Variants in PDGFRA observed in about 807,000 individuals in gnomAD.
PDGFRA encodes the protein platelet derived growth factor receptor alpha.
PDGFRA carries 25 observed loss-of-function variants against 121.5 expected under a neutral mutation model. The observed-to-expected ratio is 0.21, with a 90% CI of 0.15 to 0.29. The LOEUF (loss-of-function observed/expected upper bound fraction) is 0.29. PDGFRA is among the 10% of genes least tolerant of loss of function. The pLI, the probability that PDGFRA is intolerant of heterozygous loss-of-function variation, is 1.00. For synonymous variants in PDGFRA, 463 were observed against 494.8 expected, an observed-to-expected ratio of 0.94 and a Z score of 0.85; for missense variants, 1,008 against 1,345.1, an observed-to-expected ratio of 0.75 and a Z score of 3.92.
intron 1 of PDGFRA, among the ~76,000 whole-genome samples, chr4:54,241,546 T>TATTTATG (rs1421113560): frequency 1.3e-5 from 2 of 151,528 alleles, no homozygotes; most frequent in African/African-American, 4.8e-5. Flanking sequence ...TTTATTTATT[T>TATTTATG]ATTTATTTAT....
chr4:54,278,294 C>T (rs2110314017), intron 14 of PDGFRA, 68 bp from the exon 15 acceptor site: 2 of 1,301,212 alleles, frequency 1.5e-6, no homozygotes, highest in South Asian at 2.4e-5. Context: ...ATATGGTCTG[C>T]AGGACAATTC....
At chr4:54,231,502 C>A (rs551675500) in intron 1 of PDGFRA, among the ~76,000 whole-genome samples, 1 of 152,370 alleles carries the variant, frequency 6.6e-6, no homozygotes, top group African/African-American at 2.4e-5. Context: ...CGCACCTCCC[C>A]AGCCGCCGCG....
At chr4:54,290,823 G>T (rs948629432) in intron 22 of PDGFRA, among the ~76,000 whole-genome samples, 4 of 152,166 alleles carry the variant, frequency 2.6e-5, no homozygotes, top group African/African-American at 9.7e-5. Flanking sequence ...AAATTCTCAG[G>T]TAATTTGATC....
At chr4:54,255,454 C>T (rs1722307531) in intron 1 of PDGFRA, among the ~76,000 whole-genome samples, 1 of 152,046 alleles carries the variant, frequency 6.6e-6, no homozygotes. Flanking sequence ...CAACCCAAAC[C>T]CAACTCAGGC....
rs1052813411 is a variant in PDGFRA, at chr4:54,295,327, A to G, written c.*55A>G. ...CTGGGGCCACCTCTGGATCCCGTTCAGAAAACCACTTTATTGCAATGCAGA... is the reference window on the plus strand; with the variant it reads ...CTGGGGCCACCTCTGGATCCCGTTCGGAAAACCACTTTATTGCAATGCAGA... On this transcript the variant is annotated 3_prime_UTR_variant, in exon 23 of 23. Coordinates refer to ENST00000257290, the MANE Select transcript of PDGFRA (RefSeq NM_006206.6). The G allele has an allele frequency of 1.9e-6, 3 of 1,574,918 alleles. No individual in the cohort carries two copies. In the African/African-American group the frequency reaches 4.0e-5, roughly 21 times the overall value.
chr4:54,246,227 T>G (rs1294718297), intron 1 of PDGFRA, among the ~76,000 whole-genome samples: 1 of 152,096 alleles, frequency 6.6e-6, no homozygotes, highest in Non-Finnish European at 1.5e-5. Context: ...CTAATAGACA[T>G]CTACAGAACT....
At chr4:54,264,017 C>G (rs1722904535) in intron 4 of PDGFRA, 90 bp downstream of exon 4, 8 of 1,106,612 alleles carry the variant, frequency 7.2e-6, no homozygotes, top group Non-Finnish European at 7.9e-6. Context: ...TTTAAATCAT[C>G]ATCACTGGTG....
intron 22 of PDGFRA, among the ~76,000 whole-genome samples, chr4:54,293,538 C>G (rs1401793372): frequency 6.8e-6 from 1 of 147,016 alleles, no homozygotes; most frequent in Non-Finnish European, 1.5e-5. Context: ...TCAAGCCATT[C>G]TCATACCTCC....
At chr4:54,273,488 C>A in intron 9 of PDGFRA, 49 bp from the exon 10 acceptor site, 1 of 1,488,614 alleles carries the variant, frequency 6.7e-7, no homozygotes, top group Non-Finnish European at 9.4e-7. Context: ...CCACTCATTG[C>A]CATGACTCTC....
Position 54,296,451 on chromosome 4 carries a change from G to A in PDGFRA, c.*1179G>A, listed in dbSNP as rs1724888933. 1 of 226,004 alleles carries A rather than the reference G, an allele frequency of 4.4e-6. No homozygotes were observed. The highest frequency in any genetic ancestry group is 8.8e-6 in the Non-Finnish European group (1 of 114,182). 14.0% of individuals were successfully genotyped at this position (226,004 alleles called of 1,614,324 possible). On this transcript the variant is annotated 3_prime_UTR_variant, in exon 23 of 23. Transcript: ENST00000257290. ...TTTTTGAATCTATGAACCTGAAAAG[G>A]GTCAGAAGGATGCCCAGACATCAGC...
intron 1 of PDGFRA, among the ~76,000 whole-genome samples, chr4:54,230,935 A>T (rs1720626448): frequency 6.6e-6 from 1 of 152,286 alleles, no homozygotes; most frequent in South Asian, 2.1e-4. Context: ...CTATTCCGGG[A>T]GGGTGTCGGC....
chr4:54,290,468 G>A lies in PDGFRA; in HGVS notation c.3036G>A (p.Leu1012=). ...DWEGGLDEQR[L]SADSGYIIPL... is the part of the protein sequence containing the mutation. Reference sequence around the variant, plus strand: ...AGGGTGGTCTGGATGAGCAGAGACTGAGCGCTGACAGTGGCTACATCATTC... The same window carrying A: ...AGGGTGGTCTGGATGAGCAGAGACTAAGCGCTGACAGTGGCTACATCATTC... Residue 1012 remains leucine (L), a synonymous_variant, in exon 22 of 23, where the codon CTG becomes CTA. Transcript: ENST00000257290. The A allele has an allele frequency of 6.2e-7, 1 of 1,613,832 alleles. No individual in the cohort carries two copies.
At chr4:54,278,051 G>A (rs2110312732) in intron 14 of PDGFRA, 45 bp downstream of exon 14, 1 of 1,160,634 alleles carries the variant, frequency 8.6e-7, no homozygotes, top group Non-Finnish European at 1.3e-6. Context: ...GGACACATGT[G>A]GTTGTGAAAA....
At chr4:54,245,469 C>T (rs1204220038) in intron 1 of PDGFRA, among the ~76,000 whole-genome samples, 4 of 151,914 alleles carry the variant, frequency 2.6e-5, no homozygotes, top group Non-Finnish European at 5.9e-5. Context: ...AACTAAGCTT[C>T]ATAAGTGAAG....
intron 1 of PDGFRA, among the ~76,000 whole-genome samples, chr4:54,229,624 T>C (rs903215688): frequency 1.1e-4 from 17 of 151,700 alleles, no homozygotes; most frequent in African/African-American, 3.9e-4. Context: ...AGTTAGAAAG[T>C]CTAGGTATTT....
rs781404006 is a variant in PDGFRA, at chr4:54,258,797, T to A, written c.29T>A (p.Val10Asp). ...GGGACTTCCCATCCGGCGTTCCTGGTCTTAGGCTGTCTTCTCACAGGTACG... is the reference window on the plus strand; with the variant it reads ...GGGACTTCCCATCCGGCGTTCCTGGACTTAGGCTGTCTTCTCACAGGTACG... Reference protein sequence around the residue: MGTSHPAFLVLGCLLTGLSL... With the variant: MGTSHPAFLDLGCLLTGLSL... The change falls in exon 2 of 23, where the codon GTC becomes GAC. Residue 10 changes from valine to aspartate, a missense_variant. Coordinates refer to ENST00000257290, the MANE Select transcript of PDGFRA (RefSeq NM_006206.6). 6.2e-7 allele frequency: 1 copy of A among 1,613,900 alleles called. No individual in the cohort carries two copies. The highest frequency in any genetic ancestry group is 1.1e-5 in the South Asian group (1 of 91,072).
At position 54,296,376 on chromosome 4, in the gene PDGFRA, T is replaced by C. The variant is rs1342299761; in HGVS notation, c.*1104T>C. On this transcript the variant is annotated 3_prime_UTR_variant, in exon 23 of 23. Coordinates refer to ENST00000257290, the MANE Select transcript of PDGFRA (RefSeq NM_006206.6). ...GACTGGATTTGCAGAAGTTTTTTTT[T>C]TTTTTTTCTTCATGCCTGATGAAAG... 8.6e-6 allele frequency: 2 copies of C among 231,588 alleles called. No homozygotes were observed. Among genetic ancestry groups the C allele is most frequent in the Non-Finnish European group, 1.7e-5 (2 of 117,148 alleles). The allele number at this position is 231,588 out of a possible 1,614,324, so 14.3% of individuals were successfully genotyped here. A position where few individuals can be genotyped will look rare whatever the true frequency, so the allele number is the denominator to read the frequency against.
At chr4:54,245,057 A>G (rs1219411943) in intron 1 of PDGFRA, among the ~76,000 whole-genome samples, 1 of 152,218 alleles carries the variant, frequency 6.6e-6, no homozygotes, top group Non-Finnish European at 1.5e-5. Context: ...TCCAAGAAAT[A>G]TGGGACTATG....
chr4:54,290,883 A>G (rs1480727238), intron 22 of PDGFRA, among the ~76,000 whole-genome samples: 1 of 152,150 alleles, frequency 6.6e-6, no homozygotes, highest in East Asian at 1.9e-4. Context: ...CTCTCCTGCC[A>G]TTGTCTTAAA....
Sources: allele counts gnomAD v4.1 joint callset (sites outside exome capture counted in the v4.1 genomes callset), GRCh38; gene constraint gnomAD v4.1.1; transcripts MANE v1.5; gene names NCBI Gene and HGNC (gene_info 2026-07-23, HGNC 2026-07-21).